Variants in C2 observed in about 807,000 individuals in gnomAD.
The protein encoded by C2 is C3/C5 convertase.
A neutral mutation model predicts 85.2 loss-of-function variants in C2; 64 were observed. The observed-to-expected ratio is 0.75, with a 90% CI of 0.61 to 0.92. C2 has a LOEUF of 0.92. C2 is among the 40% of genes least tolerant of loss of function. C2 has a pLI of 0.00. For missense variants in C2, 820 were observed against 971.6 expected (o/e 0.84, Z 2.07); for synonymous variants, 311 against 370.8 (o/e 0.84, Z 1.85).
chr6:31,943,300 C>T lies in C2; in HGVS notation c.1436C>T (p.Pro479Leu). The change falls in exon 11 of 18, where the codon CCC becomes CTC. Residue 479 changes from proline to leucine, a missense_variant. Coordinates refer to ENST00000299367, the MANE Select transcript of C2 (RefSeq NM_000063.6). This position sits in a 1 kb window ranked among gnomAD's most constrained non-coding sequence, Gnocchi z 6.4. ...AACGCCTCTGACCAGGAGAGGACAC[C>T]CTGGCATGTCACTATTAAGGTACCA... The part of the protein sequence containing the change: ...SANASDQERT[P>L]WHVTIKPKSQ... 1 of 1,612,986 alleles carries T rather than the reference C, an allele frequency of 6.2e-7. No homozygotes were observed. The highest frequency in any genetic ancestry group is 2.2e-5 in the East Asian group (1 of 44,894).
chr6:31,915,076 CCT>C (rs1184250815), upstream of C2, among the ~76,000 whole-genome samples: 4 of 152,122 alleles, frequency 2.6e-5, no homozygotes, highest in Admixed American at 2.6e-4. Flanking sequence ...GCTTTTAGCC[CCT>C]GTTGTCTTGC....
At chr6:31,915,062 G>A (rs1426892808), upstream of C2, among the ~76,000 whole-genome samples, 1 of 152,112 alleles carries the variant, frequency 6.6e-6, no homozygotes, top group Non-Finnish European at 1.5e-5. Flanking sequence ...TCATTTCTGT[G>A]CTTGCTTTTA....
At chr6:31,902,654 A>C (rs1767439600) in intron 1 of C2, among the ~76,000 whole-genome samples, 2 of 152,230 alleles carry the variant, frequency 1.3e-5, no homozygotes, top group African/African-American at 4.8e-5. Flanking sequence ...TAACCGCCTC[A>C]GCCCTTCAGG....
intron 9 of C2, among the ~76,000 whole-genome samples, chr6:31,942,509 T>A (rs921612369): frequency 4.0e-5 from 6 of 151,834 alleles, no homozygotes; most frequent in African/African-American, 1.2e-4. Flanking sequence ...CCCAGGCTGG[T>A]CTCAAACTTC....
upstream of C2, among the ~76,000 whole-genome samples, chr6:31,924,707 A>G (rs497309): frequency 2.6e-5 from 4 of 152,052 alleles, no homozygotes; most frequent in South Asian, 6.2e-4. Context: ...AAGGCACCCA[A>G]AGTTTAGTGA....
chr6:31,932,012 C>G (rs547017323), intron 3 of C2, among the ~76,000 whole-genome samples: 1 of 142,296 alleles, frequency 7.0e-6, no homozygotes, highest in African/African-American at 2.6e-5. Context: ...ACCTCCCTCC[C>G]GGACAGAGTG....
chr6:31,944,301 C>A lies in C2; in HGVS notation c.1902+75C>A. The A allele has an allele frequency of 9.2e-7, 1 of 1,084,334 alleles. No individual in the cohort carries two copies. Among genetic ancestry groups the A allele is most frequent in the Non-Finnish European group, 1.4e-6 (1 of 701,396 alleles). 67.2% of individuals were successfully genotyped at this position (1,084,334 alleles called of 1,614,324 possible). A position where few individuals can be genotyped will look rare whatever the true frequency, so the allele number is the denominator to read the frequency against. On this transcript the variant is annotated intron_variant, in intron 15 of 17. Transcript: ENST00000299367. The surrounding 1 kb of genome is among the most constrained non-coding windows in gnomAD (Gnocchi z 5.1). Reference sequence around the variant, plus strand: ...GAATGTCTCTCTTCCTTCTCCAGGTCTGGCTGCTTTCTCTCTCTGACGCGG... The same window carrying A: ...GAATGTCTCTCTTCCTTCTCCAGGTATGGCTGCTTTCTCTCTCTGACGCGG...
Position 31,921,287 on chromosome 6 carries a change from TA to T in C2, c.-100+1271del, listed in dbSNP as rs966315529. Among the ~76,000 whole-genome samples the T allele has an allele frequency of 1.0e-4, 15 of 148,834 alleles. No homozygotes were observed. Among genetic ancestry groups the T allele is most frequent in the African/African-American group, 2.7e-4 (11 of 40,526 alleles). On this transcript the variant is annotated intron_variant, in intron 1 of 3. Transcript: ENST00000413154. The surrounding 1 kb of genome is among the most constrained non-coding windows in gnomAD (Gnocchi z 4.6). ...GACCTTACTTGGATAGCTCATTGTT[TA>T]AAAAAAAAACTCCTGGATCCTTCCT...
At chr6:31,928,973 G>GCAAT in intron 3 of C2, 56 bp downstream of exon 3, 1 of 1,503,176 alleles carries the variant, frequency 6.7e-7, no homozygotes, top group Non-Finnish European at 9.1e-7. Flanking sequence ...GGGGAACCCT[G>GCAAT]GGGCCCAATG....
rs1348382601 is a variant in C2 at position 31,920,996 on chromosome 6, C to T, written c.-100+970C>T. Among the ~76,000 whole-genome samples the T allele has an allele frequency of 6.6e-6, 1 of 152,110 alleles. No homozygotes were observed. Among genetic ancestry groups the T allele is most frequent in the East Asian group, 1.9e-4 (1 of 5,184 alleles). ...GGGCAGGGCAAAACCCTTTCTGAGG[C>T]TCTAAGGGTGATGTATGTGGAGATT... On this transcript the variant is annotated intron_variant, in intron 1 of 3. Transcript: ENST00000413154. The surrounding 1 kb of genome is among the most constrained non-coding windows in gnomAD (Gnocchi z 5.6).
chr6:31,914,466 C>T lies in C2; in HGVS notation c.73+13327C>T, dbSNP rs62395852. On this transcript the variant is annotated intron_variant, in intron 1 of 3. Transcript: ENST00000452202. ...ATTAGCTGGGCGTAGTGGTGTATGC[C>T]TGTAGTCCCAGCTACTTGGGAGGCT... Among the ~76,000 whole-genome samples the T allele has an allele frequency of 9.9e-3, 1,502 of 151,582 alleles. 9 individuals carry two copies. Among genetic ancestry groups the T allele is most frequent in the Non-Finnish European group, 0.012 (834 of 67,902 alleles).
At chr6:31,933,292 G>A (rs186302547) in intron 3 of C2, among the ~76,000 whole-genome samples, 49 of 152,340 alleles carry the variant, frequency 3.2e-4, no homozygotes, top group Admixed American at 1.8e-3. Context: ...TTTCACCCAC[G>A]TACATGCCAG....
Position 31,921,510 on chromosome 6 carries a change from G to T in C2, c.-100+1484G>T, listed in dbSNP as rs753882371. On this transcript the variant is annotated intron_variant, in intron 1 of 3. Transcript: ENST00000413154. This position sits in a 1 kb window ranked among gnomAD's most constrained non-coding sequence, Gnocchi z 4.6. ...GGGCTGGGGTAGACTTCAGGGATGC[G>T]CAAGGAGCTCCCAGCAGTCACTAAA... Among the ~76,000 whole-genome samples the T allele has an allele frequency of 4.6e-5, 7 of 152,140 alleles. No individual in the cohort carries two copies. Among genetic ancestry groups the T allele is most frequent in the East Asian group, 3.8e-4 (2 of 5,204 alleles).
At chr6:31,899,252 C>T (rs1426944497), upstream of C2, among the ~76,000 whole-genome samples, 1 of 144,468 alleles carries the variant, frequency 6.9e-6, no homozygotes, top group Non-Finnish European at 1.5e-5. Context: ...GTGCCCTATC[C>T]CCCCCACCCC....
chr6:31,915,397 T>A (rs1366049876), upstream of C2, among the ~76,000 whole-genome samples: 1 of 152,198 alleles, frequency 6.6e-6, no homozygotes, highest in African/African-American at 2.4e-5. Context: ...TAAACACTCA[T>A]CTTTTAAGGC....
chr6:31,932,083 C>T (rs1769854918), intron 3 of C2, among the ~76,000 whole-genome samples: 2 of 134,270 alleles, frequency 1.5e-5, no homozygotes, highest in African/African-American at 5.9e-5. Context: ...AGGCGCCCCT[C>T]ACTTCCCGGA....
intron 1 of C2, among the ~76,000 whole-genome samples, chr6:31,908,930 G>A (rs1767908822): frequency 6.6e-6 from 1 of 152,022 alleles, no homozygotes. Context: ...CCAAAAAGTT[G>A]TTGATATGAC....
chr6:31,918,459 G>A (rs1315243445), upstream of C2, among the ~76,000 whole-genome samples: 2 of 150,816 alleles, frequency 1.3e-5, no homozygotes, highest in African/African-American at 2.4e-5. Flanking sequence ...GCTGGGCATG[G>A]TGATGCATGC....
Position 31,928,864 on chromosome 6 carries a change from A to G in C2, c.389A>G (p.Gln130Arg). 6.2e-7 allele frequency: 1 copy of G among 1,614,200 alleles called. No individual in the cohort carries two copies. The highest frequency in any genetic ancestry group is 8.5e-7 in the Non-Finnish European group (1 of 1,180,030). The change falls in exon 3 of 18, where the codon CAG becomes CGG. Residue 130 changes from glutamine (Q) to arginine (R), a missense_variant. Gln to Arg is a conservative substitution (Grantham distance 43). Coordinates refer to ENST00000299367, the MANE Select transcript of C2 (RefSeq NM_000063.6). ...ATATTGCGGGGCTCGCCTGTGCGTC[A>G]GTGTCGCCCCAACGGCATGTGGGAT... ...GFILRGSPVR[Q>R]CRPNGMWDGE... is the part of the protein sequence containing the mutation.
Sources: allele counts gnomAD v4.1 joint callset (sites outside exome capture counted in the v4.1 genomes callset), GRCh38; gene constraint gnomAD v4.1.1; non-coding constraint Gnocchi (gnomAD v3.1); transcripts MANE v1.5; gene names NCBI Gene and HGNC (gene_info 2026-07-23, HGNC 2026-07-21).